The following SCAI variants were observed in gnomAD, a reference collection of about 807,000 sequenced individuals.
SCAI encodes the protein protein SCAI.
A neutral mutation model predicts 92.2 loss-of-function variants in SCAI; 24 were observed. That is an observed-to-expected ratio of 0.26 (90% CI 0.19 to 0.37). The LOEUF (loss-of-function observed/expected upper bound fraction) is 0.37. Among genes scored for constraint, SCAI ranks in the 10% least tolerant of loss-of-function variants. SCAI has a pLI of 1.00. For missense variants in SCAI, 450 were observed against 736.2 expected, an observed-to-expected ratio of 0.61 and a Z score of 4.50; for synonymous variants, 261 against 258.6, an observed-to-expected ratio of 1.01 and a Z score of -0.09.
At chr9:124,978,460 A>C (rs748305198) in intron 14 of SCAI, among the ~76,000 whole-genome samples, 2 of 152,186 alleles carry the variant, frequency 1.3e-5, no homozygotes, top group Non-Finnish European at 2.9e-5. Context: ...TTTTTACCCT[A>C]TCAGTTAAGC....
At chr9:125,016,055 A>G (rs1238675573) in intron 9 of SCAI, among the ~76,000 whole-genome samples, 1 of 146,796 alleles carries the variant, frequency 6.8e-6, no homozygotes, top group East Asian at 2.0e-4. Context: ...GGGGAGGGAT[A>G]GCTTTAGGAG....
intron 2 of SCAI, among the ~76,000 whole-genome samples, chr9:125,057,493 G>T (rs1165648191): frequency 6.6e-6 from 1 of 152,180 alleles, no homozygotes; most frequent in Non-Finnish European, 1.5e-5. Flanking sequence ...CCCACAGCTA[G>T]AACCATTAAA....
chr9:125,076,369 C>T (rs1457208368), intron 2 of SCAI, among the ~76,000 whole-genome samples: 5 of 151,656 alleles, frequency 3.3e-5, no homozygotes, highest in South Asian at 2.1e-4. Flanking sequence ...CGTGGTGGCA[C>T]GCGCCTGTAA....
rs116034256 is a variant in SCAI at position 125,100,266 on chromosome 9, G to T, written c.98+42367C>A. Among the ~76,000 whole-genome samples the T allele has an allele frequency of 5.3e-3, 808 of 152,260 alleles. 9 individuals are homozygous for T. The highest frequency in any genetic ancestry group is 0.018 in the African/African-American group (764 of 41,536). On this transcript the variant is annotated intron_variant, in intron 2 of 17. Transcript: ENST00000336505. The stretch of plus-strand genomic sequence containing the variant: ...GTGGCCCAGGTTTTCACATTGGAAG[G>T]GAAGAAAAAGTAGTAATAAAAGCAA...
chr9:125,029,537 A>T (rs1208421859), intron 4 of SCAI, 107 bp downstream of exon 4: 9 of 561,882 alleles, frequency 1.6e-5, no homozygotes, highest in Non-Finnish European at 2.5e-5. Flanking sequence ...TTGTTGGTGA[A>T]AAAAAAGAAA....
At chr9:125,127,136 CAG>C (rs1334620674) in intron 2 of SCAI, among the ~76,000 whole-genome samples, 1 of 152,132 alleles carries the variant, frequency 6.6e-6, no homozygotes, top group Non-Finnish European at 1.5e-5. Context: ...CCCAAGTCCT[CAG>C]AGAGAAATGG....
intron 2 of SCAI, among the ~76,000 whole-genome samples, chr9:125,074,501 G>A (rs1222281757): frequency 1.3e-5 from 2 of 148,910 alleles, no homozygotes; most frequent in Non-Finnish European, 3.0e-5. Flanking sequence ...CAAGTGATCC[G>A]CCCACCTCGG....
chr9:125,117,836 G>A (rs1420296560), intron 2 of SCAI, among the ~76,000 whole-genome samples: 1 of 152,086 alleles, frequency 6.6e-6, no homozygotes. Flanking sequence ...TCACTAGTCA[G>A]TAATAGCAAA....
intron 2 of SCAI, among the ~76,000 whole-genome samples, chr9:125,073,092 ATTTTTTTT>A (rs764858681): frequency 1.4e-4 from 10 of 72,452 alleles, no homozygotes; most frequent in Admixed American, 1.9e-4. Context: ...TCTATTTTTA[ATTTTTTTT>A]TTTTTTTTTT....
intron 3 of SCAI, among the ~76,000 whole-genome samples, chr9:125,050,511 C>T (rs1429635043): frequency 1.3e-5 from 2 of 152,114 alleles, no homozygotes; most frequent in Non-Finnish European, 2.9e-5. Context: ...GGAAGGCCTA[C>T]AAAACTGATA....
chr9:125,041,037 GA>G (rs1220341386), intron 3 of SCAI, among the ~76,000 whole-genome samples: 3 of 152,070 alleles, frequency 2.0e-5, no homozygotes, highest in African/African-American at 7.2e-5. Flanking sequence ...AGTGAAGAGT[GA>G]AAAAAGATCT....
intron 2 of SCAI, among the ~76,000 whole-genome samples, chr9:125,084,157 G>GTTTTTT (rs1834276409): frequency 4.1e-5 from 4 of 97,836 alleles, no homozygotes; most frequent in Admixed American, 1.1e-4. Context: ...CTTGGCTGCT[G>GTTTTTT]CTTTTTTTTT....
chr9:124,977,257 C>A (rs1325111157), intron 14 of SCAI, among the ~76,000 whole-genome samples: 2 of 152,080 alleles, frequency 1.3e-5, no homozygotes, highest in Non-Finnish European at 2.9e-5. Flanking sequence ...ATAAAAATAA[C>A]CACAGACTTT....
Position 125,002,488 on chromosome 9 carries a change from G to GTTTTTTTT in SCAI, c.1066-453_1066-446dup, listed in dbSNP as rs58586769. 5.6e-5 allele frequency among the ~76,000 whole-genome samples: 7 copies of GTTTTTTTT among 125,104 alleles called. 1 individual carries two copies. In the South Asian group the frequency reaches 7.4e-4, roughly 13 times the overall value. 82.1% of individuals were successfully genotyped at this position (125,104 alleles called of 152,430 possible). On this transcript the variant is annotated intron_variant, in intron 11 of 17. Transcript: ENST00000336505. The stretch of plus-strand genomic sequence containing the variant: ...ACACTCTGCTTTTGTTTTTTAGTCT[G>GTTTTTTTT]TTTTTTTTTTTGAAACAGAGTTTCA...
Position 125,020,708 on chromosome 9 carries a change from GA to G in SCAI, c.573del (p.Leu192SerfsTer7). 1 of 1,523,590 alleles carries G rather than the reference GA, an allele frequency of 6.6e-7. No homozygotes were observed. The highest frequency in any genetic ancestry group is 9.0e-7 in the Non-Finnish European group (1 of 1,114,728). 94.4% of individuals were successfully genotyped at this position (1,523,590 alleles called of 1,614,324 possible). ...YYARFIVVCL[L>X]LNKMDVVKDL... Reference sequence around the variant, plus strand: ...TCCTTTACAACATCCATTTTGTTGAGAAGAAGACAAACTACTATAAATCTTG... The same window carrying G: ...TCCTTTACAACATCCATTTTGTTGAGAGAAGACAAACTACTATAAATCTTG... On this transcript the variant is annotated frameshift_variant, in exon 7 of 18. Transcript: ENST00000336505. LOFTEE classifies it high-confidence loss of function.
At chr9:125,058,434 G>T (rs1277372116) in intron 2 of SCAI, among the ~76,000 whole-genome samples, 2 of 152,162 alleles carry the variant, frequency 1.3e-5, no homozygotes, top group African/African-American at 4.8e-5. Context: ...AGAATCACGT[G>T]AACCCGGGAG....
chr9:125,014,535 T>C (rs1321162328), intron 9 of SCAI, among the ~76,000 whole-genome samples: 3 of 151,890 alleles, frequency 2.0e-5, no homozygotes, highest in African/African-American at 7.3e-5. Flanking sequence ...TAAAAGAGGA[T>C]ACAAACAAAT....
chr9:125,131,962 G>A (rs540896281), intron 2 of SCAI, among the ~76,000 whole-genome samples: 11 of 152,304 alleles, frequency 7.2e-5, no homozygotes, highest in African/African-American at 1.7e-4. Context: ...ATACCCTGCA[G>A]TGGACAGATT....
chr9:125,023,718 C>T lies in SCAI; in HGVS notation c.513-2949G>A, dbSNP rs1023322867. 3.8e-4 allele frequency among the ~76,000 whole-genome samples: 57 copies of T among 151,904 alleles called. 1 individual carries two copies. The highest frequency in any genetic ancestry group is 7.4e-5 in the Non-Finnish European group (5 of 67,982). On this transcript the variant is annotated intron_variant, in intron 6 of 17. Coordinates refer to ENST00000336505, the MANE Select transcript of SCAI (RefSeq NM_001144877.3). Reference sequence around the variant, plus strand: ...AACTGCCACACAGTACAAAAACAGGCCATGGGCCCAATCTGGCATGCAAAC... The same window carrying T: ...AACTGCCACACAGTACAAAAACAGGTCATGGGCCCAATCTGGCATGCAAAC...
Sources: allele counts gnomAD v4.1 joint callset (sites outside exome capture counted in the v4.1 genomes callset), GRCh38; gene constraint gnomAD v4.1.1; transcripts MANE v1.5; gene names NCBI Gene and HGNC (gene_info 2026-07-23, HGNC 2026-07-21).